LINGO2: variants seen among roughly 807,000 people sequenced by gnomAD.
LINGO2 encodes the protein leucine-rich repeat and immunoglobulin-like domain-containing nogo receptor-interacting protein 2.
A neutral mutation model predicts 30.6 loss-of-function variants in LINGO2; 14 were observed. The observed-to-expected ratio is 0.46, with a 90% CI of 0.30 to 0.72. LINGO2 has a LOEUF of 0.72. LINGO2 is among the 30% of genes least tolerant of loss of function. LINGO2 has a pLI of 0.07. For missense variants in LINGO2, 729 were observed against 751.7 expected, an observed-to-expected ratio of 0.97 and a Z score of 0.35; for synonymous variants, 317 against 288.5, an observed-to-expected ratio of 1.10 and a Z score of -1.00.
At chr9:28,684,175 CTTTTTTTTTTTTTT>C in the LINGO2 span, among the ~76,000 whole-genome samples, 3 of 45,430 alleles carry the variant, frequency 6.6e-5, no homozygotes, top group East Asian at 8.5e-4. Flanking sequence ...AAATGTTTAT[CTTTTTTTTTTTTTT>C]TTTTTTTTTT....
intron 1 of LINGO2, among the ~76,000 whole-genome samples, chr9:28,480,034 T>A (rs1825897682): frequency 6.7e-6 from 1 of 149,600 alleles, no homozygotes; most frequent in African/African-American, 2.4e-5. Flanking sequence ...CTATTATTTG[T>A]TTTGATAGAT....
At chr9:28,692,965 T>C in the LINGO2 span, among the ~76,000 whole-genome samples, 1 of 152,164 alleles carries the variant, frequency 6.6e-6, no homozygotes, top group Non-Finnish European at 1.5e-5. Flanking sequence ...TAGTTTATTA[T>C]ATTAAGGTAT....
chr9:28,876,871 T>A, the LINGO2 span, among the ~76,000 whole-genome samples: 1 of 152,062 alleles, frequency 6.6e-6, no homozygotes, highest in Non-Finnish European at 1.5e-5. Flanking sequence ...CCACCAACAG[T>A]GTAAAAGTGT....
At chr9:29,115,829 CT>C in the LINGO2 span, among the ~76,000 whole-genome samples, 6 of 151,930 alleles carry the variant, frequency 3.9e-5, no homozygotes, top group East Asian at 5.8e-4. Flanking sequence ...TGCTTTTCCC[CT>C]GTCATATTTT....
chr9:29,169,039 C>A, the LINGO2 span, among the ~76,000 whole-genome samples: 2 of 152,120 alleles, frequency 1.3e-5, no homozygotes, highest in African/African-American at 4.8e-5. Flanking sequence ...CCTCCATCTC[C>A]CAGGTTTAAG....
the LINGO2 span, among the ~76,000 whole-genome samples, chr9:28,777,070 G>A: frequency 2.0e-5 from 3 of 151,890 alleles, no homozygotes; most frequent in African/African-American, 2.4e-5. Flanking sequence ...TTGGTGAGAC[G>A]CGCTTTCTTC....
At chr9:28,750,754 A>G in the LINGO2 span, among the ~76,000 whole-genome samples, 1 of 152,058 alleles carries the variant, frequency 6.6e-6, no homozygotes, top group African/African-American at 2.4e-5. Flanking sequence ...TCTTGTTTGA[A>G]TTAAATAAGA....
intron 4 of LINGO2, among the ~76,000 whole-genome samples, chr9:28,036,579 C>G (rs917862591): frequency 1.3e-5 from 2 of 152,054 alleles, no homozygotes; most frequent in African/African-American, 4.8e-5. Context: ...TCAGAAAAGT[C>G]CAAAGGAAAA....
intron 4 of LINGO2, among the ~76,000 whole-genome samples, chr9:28,188,313 A>AT (rs142043371): frequency 0.045 from 6,801 of 152,196 alleles, 222 homozygotes; most frequent in South Asian, 0.1. Flanking sequence ...CAAAATAAGC[A>AT]TTTTTTCTTT....
At chr9:28,935,529 T>C in the LINGO2 span, among the ~76,000 whole-genome samples, 573 of 152,250 alleles carry the variant, frequency 3.8e-3, 4 homozygotes, top group African/African-American at 0.013. Context: ...CATAATTGCA[T>C]AAAATTAGAA....
rs80031460 is a variant in LINGO2, at chr9:28,322,676, C to G, written c.-245-27310G>C. Among the ~76,000 whole-genome samples the G allele has an allele frequency of 1.5e-3, 232 of 152,230 alleles. 7 individuals are homozygous for G. The East Asian group carries it at 0.042, about 28-fold the overall frequency. On this transcript the variant is annotated intron_variant, in intron 3 of 5. Transcript: ENST00000379992. ...ACTGTCATGTACTGATTGTCTATCA[C>G]TACCTGTATGATTTGGGGTAAGTCA... is the stretch of plus-strand genomic sequence containing the variant.
At chr9:28,109,562 T>G (rs1433007149) in intron 4 of LINGO2, among the ~76,000 whole-genome samples, 1 of 152,026 alleles carries the variant, frequency 6.6e-6, no homozygotes, top group African/African-American at 2.4e-5. Context: ...GGATACAAAA[T>G]CAATGTGCAA....
chr9:28,369,172 T>A (rs1217290144), intron 3 of LINGO2, among the ~76,000 whole-genome samples: 2 of 152,166 alleles, frequency 1.3e-5, no homozygotes, highest in Non-Finnish European at 2.9e-5. Flanking sequence ...CTCAGACTCC[T>A]TTTCATTATT....
intron 5 of LINGO2, among the ~76,000 whole-genome samples, chr9:28,004,389 G>C (rs1822151863): frequency 1.3e-5 from 2 of 152,108 alleles, no homozygotes; most frequent in Admixed American, 6.6e-5. Flanking sequence ...TTAAAGCACA[G>C]TATTGTACAA....
the LINGO2 span, among the ~76,000 whole-genome samples, chr9:29,033,077 T>G: frequency 2.6e-5 from 4 of 152,176 alleles, no homozygotes; most frequent in Admixed American, 2.6e-4. Flanking sequence ...TCTTGCCATT[T>G]CAGGCTATTT....
rs183978646 is a variant in LINGO2 at position 28,505,169 on chromosome 9, C to G, written c.-364-29144G>C. ...TAATGATTTGGCCATACCTATTGAA[C>G]AAATTATTTTATGTTTAAGAAATAT... On this transcript the variant is annotated intron_variant, in intron 1 of 5. Coordinates refer to ENST00000379992, the Ensembl canonical transcript of LINGO2. Among the ~76,000 whole-genome samples the G allele has an allele frequency of 2.6e-5, 4 of 151,800 alleles. No homozygotes were observed. In the East Asian group the frequency reaches 7.7e-4, roughly 29 times the overall value.
chr9:28,155,089 T>C (rs1271021462), intron 4 of LINGO2, among the ~76,000 whole-genome samples: 1 of 152,172 alleles, frequency 6.6e-6, no homozygotes, highest in African/African-American at 2.4e-5. Flanking sequence ...TTAAGACTCA[T>C]TAAAGAAAAG....
At chr9:29,061,932 G>T in the LINGO2 span, among the ~76,000 whole-genome samples, 1 of 151,850 alleles carries the variant, frequency 6.6e-6, no homozygotes, top group South Asian at 2.1e-4. Context: ...ATATCTGATA[G>T]GAGATCATTA....
chr9:28,015,321 G>A (rs1429164962), intron 4 of LINGO2, among the ~76,000 whole-genome samples: 3 of 152,078 alleles, frequency 2.0e-5, no homozygotes, highest in Middle Eastern at 6.3e-3. Context: ...TTCCACTTCT[G>A]TACATGGAGC....
Sources: gnomAD v4.1 joint callset for allele counts (sites outside exome capture counted in the v4.1 genomes callset) on GRCh38, gnomAD v4.1.1 for gene constraint, MANE v1.5 for transcripts, NCBI Gene and HGNC (gene_info 2026-07-23, HGNC 2026-07-21) for gene names.